Variants in TM9SF3 observed in about 807,000 individuals in gnomAD.
TM9SF3 encodes SM-11044-binding protein.
Under a neutral mutation model 78.6 loss-of-function variants are expected in TM9SF3, and 14 were observed. That is an observed-to-expected ratio of 0.18 (90% CI 0.12 to 0.28). TM9SF3 has a LOEUF of 0.28. Ranked by LOEUF, TM9SF3 falls within the 10% of genes least tolerant of loss-of-function variation. The pLI is 1.00. For synonymous variants in TM9SF3, 231 were observed against 241.7 expected, an observed-to-expected ratio of 0.96 and a Z score of 0.41; for missense variants, 496 against 721.9, an observed-to-expected ratio of 0.69 and a Z score of 3.59.
At chr10:96,527,140 T>C (rs1847847641) in intron 14 of TM9SF3, 73 bp downstream of exon 14, 14 of 1,317,870 alleles carry the variant, frequency 1.1e-5, no homozygotes, top group Admixed American at 2.0e-5. Context: ...TTTCTTAATT[T>C]CCAATTACTG....
At position 96,527,513 on chromosome 10, in the gene TM9SF3, G is replaced by A. The variant is rs770132248; in HGVS notation, c.1542-17C>T. ...GTCCATTGCCTGGTGGGGGGAGGGG[G>A]AAAGAAGATAAATCTCTTTTGAATG... is the stretch of plus-strand genomic sequence containing the variant. On this transcript the variant is annotated splice_polypyrimidine_tract_variant and intron_variant, in intron 12 of 14. Transcript: ENST00000371142. 1.3e-6 allele frequency: 2 copies of A among 1,580,408 alleles called. No homozygotes were observed. The highest frequency in any genetic ancestry group is 2.2e-5 in the East Asian group (1 of 44,598).
At chr10:96,562,415 C>T (rs1279270743) in intron 3 of TM9SF3, among the ~76,000 whole-genome samples, 3 of 152,050 alleles carry the variant, frequency 2.0e-5, no homozygotes, top group Non-Finnish European at 4.4e-5. Context: ...GTCTTAGGTA[C>T]TTCTTTATAG....
At chr10:96,567,643 C>T (rs1268055320) in intron 2 of TM9SF3, among the ~76,000 whole-genome samples, 1 of 152,188 alleles carries the variant, frequency 6.6e-6, no homozygotes, top group African/African-American at 2.4e-5. Context: ...TATACCCACT[C>T]CCATACCTCC....
At chr10:96,576,856 T>TAAAA in intron 1 of TM9SF3, 27 bp from the exon 2 acceptor site, 2 of 1,211,250 alleles carry the variant, frequency 1.7e-6, no homozygotes, top group Non-Finnish European at 2.2e-6. Flanking sequence ...AAACAAGAAT[T>TAAAA]AAAAAAAAAA....
At chr10:96,557,944 G>T (rs535880179) in intron 5 of TM9SF3, among the ~76,000 whole-genome samples, 1 of 152,282 alleles carries the variant, frequency 6.6e-6, no homozygotes, top group Non-Finnish European at 1.5e-5. Context: ...TGACTAGAAC[G>T]TAAGTTCCTA....
chr10:96,559,954 G>C (rs571656950), intron 4 of TM9SF3, among the ~76,000 whole-genome samples: 1 of 152,222 alleles, frequency 6.6e-6, no homozygotes, highest in South Asian at 2.1e-4. Flanking sequence ...TCCTCAGAGG[G>C]GTGATTTCAG....
intron 14 of TM9SF3, 140 bp from the exon 15 acceptor site, chr10:96,522,470 T>G: frequency 1.6e-6 from 1 of 634,690 alleles, no homozygotes; most frequent in Non-Finnish European, 2.5e-6. Context: ...TCTCTGAACT[T>G]ACTAAAACTG....
rs189208156 is a variant in TM9SF3 at position 96,527,323 on chromosome 10, G to T, written c.1626-34C>A. 99 of 1,597,282 alleles carry T rather than the reference G, an allele frequency of 6.2e-5. No individual in the cohort carries two copies. The African/African-American group carries it at 1.2e-3, about 19-fold the overall frequency. On this transcript the variant is annotated intron_variant, in intron 13 of 14. Transcript: ENST00000371142. ...AAACAAAATATATATAGGATATCCA[G>T]TTTTACTTTCAACTTAAGGCCTTAA... is the stretch of plus-strand genomic sequence containing the variant.
chr10:96,544,004 T>C (rs909261359), intron 9 of TM9SF3, 72 bp downstream of exon 9: 8 of 1,472,814 alleles, frequency 5.4e-6, no homozygotes, highest in African/African-American at 4.2e-5. Context: ...AAGAAGTATT[T>C]TGGAGGGTGA....
chr10:96,560,195 C>A, intron 4 of TM9SF3: 3 of 1,008,630 alleles, frequency 3.0e-6, no homozygotes, highest in Non-Finnish European at 4.6e-6. Flanking sequence ...ATGGAAGATT[C>A]GATGGACATG....
chr10:96,522,317 G>A lies in TM9SF3; in HGVS notation c.1716C>T (p.Tyr572=). Residue 572 remains tyrosine (Y), a synonymous_variant, in exon 15 of 15, where the codon TAC becomes TAT. Transcript: ENST00000371142. ...TTCGGACAAAGGCACTTGTTCCCAT[G>A]TAACCAATCGCTCCTGCAAAGATAA... ...ALGIMCGAIG[Y]MGTSAFVRKI... 2 of 1,581,162 alleles carry A rather than the reference G, an allele frequency of 1.3e-6. No individual in the cohort carries two copies. Among genetic ancestry groups the A allele is most frequent in the East Asian group, 4.6e-5 (2 of 43,620 alleles).
intron 1 of TM9SF3, among the ~76,000 whole-genome samples, chr10:96,579,029 G>A (rs1848530584): frequency 6.6e-6 from 1 of 152,216 alleles, no homozygotes; most frequent in African/African-American, 2.4e-5. Flanking sequence ...GTGAGCCTGA[G>A]ATTGCGCCAC....
At chr10:96,586,629 G>C in intron 1 of TM9SF3, 105 bp downstream of exon 1, 13 of 980,754 alleles carry the variant, frequency 1.3e-5, no homozygotes, top group Non-Finnish European at 1.7e-5. Context: ...TCGGGCCGCA[G>C]TGGGGCACCA....
chr10:96,552,881 C>A, intron 6 of TM9SF3, 47 bp downstream of exon 6: 2 of 1,427,252 alleles, frequency 1.4e-6, no homozygotes, highest in Non-Finnish European at 1.8e-6. Context: ...TAAAACTTAA[C>A]ACTCAGTTAA....
chr10:96,527,827 AAC>A (rs1337896312), intron 12 of TM9SF3, among the ~76,000 whole-genome samples: 2 of 152,136 alleles, frequency 1.3e-5, no homozygotes, highest in African/African-American at 4.8e-5. Flanking sequence ...AAATATTTCT[AAC>A]ACAGTACTCC....
intron 1 of TM9SF3, among the ~76,000 whole-genome samples, chr10:96,580,645 C>T (rs1848556708): frequency 6.6e-6 from 1 of 152,128 alleles, no homozygotes; most frequent in Admixed American, 6.6e-5. Flanking sequence ...AATAATCCTT[C>T]CGAAATGCTC....
At chr10:96,528,859 T>C (rs914934101) in intron 11 of TM9SF3, among the ~76,000 whole-genome samples, 24 of 152,108 alleles carry the variant, frequency 1.6e-4, no homozygotes, top group African/African-American at 4.6e-4. Context: ...AGACCCTTAA[T>C]GGCCATGTTA....
At chr10:96,566,019 C>A (rs1028101693) in intron 2 of TM9SF3, among the ~76,000 whole-genome samples, 2 of 152,166 alleles carry the variant, frequency 1.3e-5, no homozygotes, top group African/African-American at 4.8e-5. Flanking sequence ...TCATTTTCCA[C>A]CCCGACTGCT....
intron 2 of TM9SF3, among the ~76,000 whole-genome samples, chr10:96,567,381 G>T (rs113550686): frequency 6.6e-6 from 1 of 152,068 alleles, no homozygotes. Context: ...CACCGCACCC[G>T]GCCAATCTGT....
Sources: gnomAD v4.1 joint callset for allele counts (sites outside exome capture counted in the v4.1 genomes callset) on GRCh38, gnomAD v4.1.1 for gene constraint, MANE v1.5 for transcripts, NCBI Gene and HGNC (gene_info 2026-07-23, HGNC 2026-07-21) for gene names.